The following MTUS2 variants were observed in gnomAD, a reference collection of about 807,000 sequenced individuals.
The protein encoded by MTUS2 is microtubule-associated tumor suppressor candidate 2.
In MTUS2, 40 loss-of-function variants were observed where a neutral mutation model predicts 114.1. The observed-to-expected ratio is 0.35, with a 90% confidence interval of 0.27 to 0.46. The LOEUF is 0.46. Among genes scored for constraint, MTUS2 ranks in the 20% least tolerant of loss-of-function variants. The pLI, the probability that MTUS2 is intolerant of heterozygous loss-of-function variation, is 1.00. For missense variants in MTUS2, 1,679 were observed against 1,705.4 expected (o/e 0.98, Z 0.27); for synonymous variants, 688 against 672.0 (o/e 1.02, Z -0.37).
At chr13:29,469,367 G>A (rs1454415478) in intron 9 of MTUS2, among the ~76,000 whole-genome samples, 2 of 152,266 alleles carry the variant, frequency 1.3e-5, no homozygotes, top group South Asian at 2.1e-4. Flanking sequence ...GGTGGCTCAC[G>A]CCTGTAATCC....
At position 29,361,354 on chromosome 13, in the gene MTUS2, G is replaced by A. The variant is rs557768451; in HGVS notation, c.3117+1881G>A. ...CTCCAAATGGGCTTCAAAAATGACCGTGGCATTTCACCTCCCACACAATGT... is the reference window on the plus strand; with the variant it reads ...CTCCAAATGGGCTTCAAAAATGACCATGGCATTTCACCTCCCACACAATGT... On this transcript the variant is annotated intron_variant, in intron 8 of 15. Coordinates refer to ENST00000612955, the MANE Select transcript of MTUS2 (RefSeq NM_001033602.4). Among the ~76,000 whole-genome samples, 12 of 152,246 alleles carry A rather than the reference G, an allele frequency of 7.9e-5. No homozygotes were observed. In the South Asian group the frequency reaches 1.9e-3, roughly 24 times the overall value.
intron 5 of MTUS2, among the ~76,000 whole-genome samples, chr13:29,253,101 G>A (rs1443712358): frequency 1.3e-5 from 2 of 150,338 alleles, no homozygotes; most frequent in Non-Finnish European, 3.0e-5. Flanking sequence ...TCTTCTCAGG[G>A]CCTCATCCTG....
intron 5 of MTUS2, among the ~76,000 whole-genome samples, chr13:29,238,497 G>A (rs948923046): frequency 2.6e-5 from 4 of 152,232 alleles, no homozygotes; most frequent in Non-Finnish European, 4.4e-5. Context: ...ACTGATGTAA[G>A]TCCAACAGTC....
intron 2 of MTUS2, among the ~76,000 whole-genome samples, chr13:28,939,046 C>T (rs964730561): frequency 1.3e-5 from 2 of 152,212 alleles, no homozygotes; most frequent in Admixed American, 6.5e-5. Flanking sequence ...GATACTTCAG[C>T]GCTGTAACCA....
intron 4 of MTUS2, among the ~76,000 whole-genome samples, chr13:29,096,946 G>C (rs1890202800): frequency 6.6e-6 from 1 of 152,152 alleles, no homozygotes; most frequent in African/African-American, 2.4e-5. Flanking sequence ...TAGTACCTCT[G>C]TCTTATATGT....
intron 4 of MTUS2, among the ~76,000 whole-genome samples, chr13:29,094,998 A>G (rs1890118136): frequency 6.6e-6 from 1 of 151,894 alleles, no homozygotes; most frequent in Non-Finnish European, 1.5e-5. Flanking sequence ...TTGATTTTTA[A>G]TTTCATTCTG....
intron 8 of MTUS2, among the ~76,000 whole-genome samples, chr13:29,370,692 T>A (rs912023606): frequency 3.9e-5 from 6 of 152,160 alleles, no homozygotes; most frequent in Admixed American, 3.3e-4. Flanking sequence ...CAAAATAAAC[T>A]TCCTTCCTTT....
Position 29,322,118 on chromosome 13 carries a change from A to G in MTUS2, c.2807-2495A>G, listed in dbSNP as rs1354310232. ...CAGGGTCAAAACTATCAATATTTGC[A>G]TTTTTGATAAAATTCAAATTGTGCT... On this transcript the variant is annotated intron_variant, in intron 6 of 15. Coordinates refer to ENST00000612955, the MANE Select transcript of MTUS2 (RefSeq NM_001033602.4). 2.6e-5 allele frequency among the ~76,000 whole-genome samples: 4 copies of G among 152,242 alleles called. No homozygotes were observed. The South Asian group carries it at 8.3e-4, about 31-fold the overall frequency.
intron 2 of MTUS2, among the ~76,000 whole-genome samples, chr13:28,866,906 A>G (rs1228355677): frequency 6.6e-6 from 1 of 152,194 alleles, no homozygotes; most frequent in Non-Finnish European, 1.5e-5. Flanking sequence ...TATAAAATGA[A>G]TTTAAAAATT....
At chr13:29,327,737 C>T (rs989978524) in intron 7 of MTUS2, among the ~76,000 whole-genome samples, 2 of 152,134 alleles carry the variant, frequency 1.3e-5, no homozygotes, top group African/African-American at 4.8e-5. Context: ...TTCCATTTCT[C>T]TTGGGTAAAT....
intron 1 of MTUS2, among the ~76,000 whole-genome samples, chr13:28,836,815 A>G (rs1327844858): frequency 6.6e-6 from 1 of 152,150 alleles, no homozygotes; most frequent in Non-Finnish European, 1.5e-5. Flanking sequence ...GCTGAGGGCC[A>G]TGTTATTTGA....
chr13:29,043,638 T>TAC (rs1887475838), intron 4 of MTUS2, among the ~76,000 whole-genome samples: 1 of 151,754 alleles, frequency 6.6e-6, no homozygotes, highest in Admixed American at 6.6e-5. Context: ...GAGATATATA[T>TAC]ATATATATTT....
chr13:29,194,358 T>C (rs1894581270), intron 5 of MTUS2, among the ~76,000 whole-genome samples: 3 of 150,310 alleles, frequency 2.0e-5, no homozygotes, highest in Admixed American at 2.0e-4. Flanking sequence ...GACAAAGGGC[T>C]AATATCCAGA....
At chr13:29,407,834 A>G (rs886431652) in intron 8 of MTUS2, among the ~76,000 whole-genome samples, 3 of 152,076 alleles carry the variant, frequency 2.0e-5, no homozygotes, top group African/African-American at 7.2e-5. Flanking sequence ...CGTTTACTCC[A>G]CGTACTAGCC....
intron 2 of MTUS2, among the ~76,000 whole-genome samples, chr13:28,843,286 A>G (rs931060430): frequency 3.3e-4 from 50 of 152,028 alleles, no homozygotes; most frequent in African/African-American, 1.2e-3. Context: ...TCTACATGTG[A>G]TTCAGAAGTA....
intron 4 of MTUS2, among the ~76,000 whole-genome samples, chr13:29,070,475 A>G (rs1888865803): frequency 6.6e-6 from 1 of 152,110 alleles, no homozygotes; most frequent in Admixed American, 6.6e-5. Context: ...TGTTCAAGAG[A>G]AACGGTAACA....
At chr13:29,279,776 A>T (rs1400782228) in intron 5 of MTUS2, among the ~76,000 whole-genome samples, 4 of 152,220 alleles carry the variant, frequency 2.6e-5, no homozygotes, top group Non-Finnish European at 5.9e-5. Flanking sequence ...AGAGCAGCCA[A>T]ATCTCTAAAT....
At chr13:29,217,064 C>T (rs573894712) in intron 5 of MTUS2, among the ~76,000 whole-genome samples, 5 of 152,256 alleles carry the variant, frequency 3.3e-5, no homozygotes, top group South Asian at 4.1e-4. Context: ...AGGAAATAGA[C>T]GTTAATTACC....
chr13:29,418,533 G>A (rs1260259525), intron 8 of MTUS2, among the ~76,000 whole-genome samples: 3 of 152,134 alleles, frequency 2.0e-5, no homozygotes, highest in Non-Finnish European at 2.9e-5. Context: ...GCCAACTTCC[G>A]TAGTTCTGCA....
Sources: gnomAD v4.1 joint callset for allele counts (sites outside exome capture counted in the v4.1 genomes callset) on GRCh38, gnomAD v4.1.1 for gene constraint, MANE v1.5 for transcripts, NCBI Gene and HGNC (gene_info 2026-07-23, HGNC 2026-07-21) for gene names.